The following DNAH8 variants were observed in gnomAD, a reference collection of about 807,000 sequenced individuals.
The protein encoded by DNAH8 is dynein axonemal heavy chain 8, also known as axonemal beta dynein heavy chain 8.
Under a neutral mutation model 562.1 loss-of-function variants are expected in DNAH8, and 382 were observed. The observed-to-expected ratio is 0.68, with a 90% CI of 0.63 to 0.74. The LOEUF is 0.74. Ranked by LOEUF, DNAH8 falls within the 30% of genes least tolerant of loss-of-function variation. The pLI, the probability that DNAH8 is intolerant of heterozygous loss-of-function variation, is 0.00. For missense variants in DNAH8, 5,203 were observed against 5,620.4 expected, an observed-to-expected ratio of 0.93 and a Z score of 2.37; for synonymous variants, 1,881 against 1,919.4, an observed-to-expected ratio of 0.98 and a Z score of 0.52.
At chr6:38,897,244 G>C (rs1779766091) in intron 60 of DNAH8, among the ~76,000 whole-genome samples, 1 of 152,080 alleles carries the variant, frequency 6.6e-6, no homozygotes, top group South Asian at 2.1e-4. Context: ...AAATAATATA[G>C]AATTCAAATT....
At chr6:38,931,530 A>G (rs111373771) in intron 75 of DNAH8, among the ~76,000 whole-genome samples, 1,961 of 152,282 alleles carry the variant, frequency 0.013, 36 homozygotes, top group Middle Eastern at 0.037. Flanking sequence ...AATCTTAGAT[A>G]TGTCTAAGTT....
rs542352054 is a variant in DNAH8, at chr6:38,908,126, T to C, written c.9513+6T>C. ...TTGTTCTCTGCTTTTCTCCAGTAAG[T>C]TTTTATTTTTATTTATATCTACGTA... On this transcript the variant is annotated splice_donor_region_variant and intron_variant, in intron 64 of 92. Coordinates refer to ENST00000327475, the MANE Select transcript of DNAH8 (RefSeq NM_001206927.2). The C allele has an allele frequency of 6.6e-7, 1 of 1,510,678 alleles. No homozygotes were observed. The highest frequency in any genetic ancestry group is 2.0e-5 in the Admixed American group (1 of 49,636). 93.6% of individuals were successfully genotyped at this position (1,510,678 alleles called of 1,614,324 possible).
chr6:38,997,305 C>T (rs969146175), intron 88 of DNAH8, among the ~76,000 whole-genome samples: 10 of 152,272 alleles, frequency 6.6e-5, no homozygotes, highest in South Asian at 2.1e-4. Flanking sequence ...TGTTCCCCCA[C>T]CGGCCACCAG....
At chr6:38,789,522 AAG>A (rs1236487971) in intron 18 of DNAH8, among the ~76,000 whole-genome samples, 2 of 152,224 alleles carry the variant, frequency 1.3e-5, no homozygotes, top group African/African-American at 4.8e-5. Context: ...ATATCACAAA[AAG>A]ATAATAATTC....
At chr6:38,837,037 A>C (rs969454248) in intron 32 of DNAH8, among the ~76,000 whole-genome samples, 11 of 152,148 alleles carry the variant, frequency 7.2e-5, no homozygotes, top group Admixed American at 3.9e-4. Context: ...CATAGTGAAG[A>C]GTCCTATGGA....
intron 62 of DNAH8, 121 bp from the exon 63 acceptor site, chr6:38,906,133 T>A: frequency 2.0e-6 from 1 of 506,140 alleles, no homozygotes; most frequent in Non-Finnish European, 3.5e-6. Flanking sequence ...GGTCTCGATC[T>A]CCTGACCTCG....
At chr6:38,781,491 C>T (rs1197153362) in intron 16 of DNAH8, 118 bp downstream of exon 16, 2 of 1,228,280 alleles carry the variant, frequency 1.6e-6, no homozygotes, top group Admixed American at 5.3e-5. Context: ...ATTCTTTTAC[C>T]AGGCAAGGAA....
chr6:39,011,510 T>C (rs1470957441), intron 89 of DNAH8, among the ~76,000 whole-genome samples: 3 of 152,224 alleles, frequency 2.0e-5, no homozygotes, highest in Non-Finnish European at 4.4e-5. Flanking sequence ...GTTGGGCATA[T>C]GTCACCAAAT....
At chr6:38,841,510 T>C (rs1201064928) in intron 33 of DNAH8, among the ~76,000 whole-genome samples, 1 of 152,216 alleles carries the variant, frequency 6.6e-6, no homozygotes, top group Non-Finnish European at 1.5e-5. Flanking sequence ...TGATGAAGAA[T>C]AAAAGTTGTG....
At chr6:38,982,988 CATT>C (rs1307875162) in intron 86 of DNAH8, among the ~76,000 whole-genome samples, 2 of 152,136 alleles carry the variant, frequency 1.3e-5, no homozygotes, top group Admixed American at 6.5e-5. Context: ...ATAAAAAAGG[CATT>C]ATTATTTATT....
chr6:38,982,093 T>C (rs1032738690), intron 85 of DNAH8, among the ~76,000 whole-genome samples: 2 of 152,238 alleles, frequency 1.3e-5, no homozygotes, highest in African/African-American at 2.4e-5. Flanking sequence ...CCTAGGTGCG[T>C]ATAGGCTGTA....
intron 88 of DNAH8, among the ~76,000 whole-genome samples, chr6:39,005,548 G>A (rs1056845303): frequency 6.6e-6 from 1 of 152,150 alleles, no homozygotes; most frequent in African/African-American, 2.4e-5. Context: ...AATGTGAAGT[G>A]GTAGTATTAC....
intron 24 of DNAH8, among the ~76,000 whole-genome samples, chr6:38,809,494 A>C (rs895164672): frequency 1.3e-5 from 2 of 152,208 alleles, no homozygotes; most frequent in African/African-American, 4.8e-5. Flanking sequence ...TGAAAAATCA[A>C]CTTACTTGTG....
intron 67 of DNAH8, among the ~76,000 whole-genome samples, chr6:38,914,392 C>CTTTTTTTTTTTTTTTTT (rs66765653): frequency 1.6e-5 from 1 of 63,990 alleles, no homozygotes; most frequent in Non-Finnish European, 2.7e-5. Context: ...TGCTTTTTCT[C>CTTTTTTTTTTTTTTTTT]TTTTTTTTTT....
At chr6:38,990,502 C>T (rs1478862647) in intron 88 of DNAH8, among the ~76,000 whole-genome samples, 1 of 152,200 alleles carries the variant, frequency 6.6e-6, no homozygotes, top group African/African-American at 2.4e-5. Context: ...AGCTCCTCAT[C>T]TCTTTCTTCA....
chr6:38,744,492 T>C (rs1764769334), intron 8 of DNAH8: 1 of 152,216 alleles, frequency 6.6e-6, no homozygotes, highest in Admixed American at 6.5e-5. Flanking sequence ...CAGTTTTTGC[T>C]GCTTACTGGC....
intron 82 of DNAH8, among the ~76,000 whole-genome samples, chr6:38,965,813 C>T (rs1398771557): frequency 2.6e-5 from 4 of 152,100 alleles, no homozygotes; most frequent in East Asian, 3.9e-4. Context: ...TCCTTCCTTG[C>T]GTGGGAATGT....
At chr6:38,897,543 A>G (rs1361856243) in intron 60 of DNAH8, among the ~76,000 whole-genome samples, 1 of 152,222 alleles carries the variant, frequency 6.6e-6, no homozygotes, top group Non-Finnish European at 1.5e-5. Flanking sequence ...TTTCTAAATT[A>G]ATATATAGGT....
chr6:38,881,747 C>T (rs1583264173), intron 53 of DNAH8, among the ~76,000 whole-genome samples: 1 of 152,066 alleles, frequency 6.6e-6, no homozygotes, highest in Non-Finnish European at 1.5e-5. Flanking sequence ...GACAGGGTTT[C>T]TCCACGTTGG....
Sources: gnomAD v4.1 joint callset for allele counts (sites outside exome capture counted in the v4.1 genomes callset) on GRCh38, gnomAD v4.1.1 for gene constraint, MANE v1.5 for transcripts, NCBI Gene and HGNC (gene_info 2026-07-23, HGNC 2026-07-21) for gene names.